Variants in DDX1 observed in about 807,000 individuals in gnomAD.
DDX1 encodes the protein DEAD-box helicase 1.
A neutral mutation model predicts 108.7 loss-of-function variants in DDX1; 28 were observed. The ratio of observed to expected loss-of-function variants is 0.26; its 90% CI spans 0.19 to 0.35. DDX1 has a LOEUF of 0.35. Ranked by LOEUF, DDX1 falls within the 10% of genes least tolerant of loss-of-function variation. The pLI, the probability that DDX1 is intolerant of heterozygous loss-of-function variation, is 1.00. For synonymous variants in DDX1, 295 were observed against 288.9 expected (o/e 1.02, Z -0.21); for missense variants, 710 against 884.5 (o/e 0.80, Z 2.50).
At chr2:15,602,694 T>G in intron 7 of DDX1, 63 bp downstream of exon 7, 46 of 1,254,874 alleles carry the variant, frequency 3.7e-5, no homozygotes, top group Non-Finnish European at 4.3e-5. Context: ...CGTGAGGGTT[T>G]TTTTGTTGTT....
Position 15,595,171 on chromosome 2 carries a change from C to T in DDX1, c.43C>T (p.Gln15Ter). 1 of 1,611,792 alleles carries T rather than the reference C, an allele frequency of 6.2e-7. No individual in the cohort carries two copies. The highest frequency in any genetic ancestry group is 8.5e-7 in the Non-Finnish European group (1 of 1,178,856). Residue 15 changes from glutamine (Q) to a stop codon, truncating the protein, a stop_gained, in exon 2 of 26, where the codon CAA (glutamine) becomes TAA (stop). Transcript: ENST00000233084. LOFTEE classifies it high-confidence loss of function. ...SEMGVMPEIAQAVEEMDWLLP... is the reference protein window; with the variant it reads ...SEMGVMPEIA ...GATGGGTGTAATGCCTGAGATTGCA[C>T]AAGCTGTGGAAGAGATGGATTGGCT...
At chr2:15,610,814 T>A (rs1025695205) in intron 13 of DDX1, among the ~76,000 whole-genome samples, 38 of 140,394 alleles carry the variant, frequency 2.7e-4, no homozygotes, top group Non-Finnish European at 2.3e-4. Flanking sequence ...CAGCAATAGA[T>A]ACAGCTACGG....
intron 19 of DDX1, among the ~76,000 whole-genome samples, chr2:15,624,616 A>G (rs764392513): frequency 6.6e-6 from 1 of 152,150 alleles, no homozygotes; most frequent in African/African-American, 2.4e-5. Flanking sequence ...ACATGATTCT[A>G]TTATCTCCTA....
Position 15,595,132 on chromosome 2 carries a change from T to C in DDX1, c.17-13T>C. The C allele has an allele frequency of 1.3e-6, 2 of 1,598,862 alleles. No individual in the cohort carries two copies. Among genetic ancestry groups the C allele is most frequent in the Admixed American group, 1.8e-5 (1 of 57,110 alleles). ...CAGTTTATGTGGTTTTTAAAATTAA[T>C]TTTTACTTTCAGAGATGGGTGTAAT... On this transcript the variant is annotated splice_polypyrimidine_tract_variant and intron_variant, in intron 1 of 25. Coordinates refer to ENST00000233084, the MANE Select transcript of DDX1 (RefSeq NM_004939.3).
intron 14 of DDX1, among the ~76,000 whole-genome samples, chr2:15,614,558 G>A (rs1195826867): frequency 6.6e-6 from 1 of 152,144 alleles, no homozygotes; most frequent in Non-Finnish European, 1.5e-5. Context: ...GATCGCGAGG[G>A]CTTTGTCCTC....
intron 9 of DDX1, 116 bp from the exon 10 acceptor site, chr2:15,604,321 T>C: frequency 5.8e-6 from 4 of 694,486 alleles, no homozygotes; most frequent in Non-Finnish European, 7.4e-6. Context: ...TATGCTCTAA[T>C]AGGCATTTTT....
intron 3 of DDX1, among the ~76,000 whole-genome samples, chr2:15,595,764 G>C (rs540916906): frequency 1.3e-5 from 2 of 152,164 alleles, no homozygotes; most frequent in African/African-American, 4.8e-5. Context: ...AATGAATCTC[G>C]TATCAGAGAG....
chr2:15,628,722 A>T lies in DDX1; in HGVS notation c.1832+12A>T. 1 of 1,611,854 alleles carries T rather than the reference A, an allele frequency of 6.2e-7. No homozygotes were observed. Among genetic ancestry groups the T allele is most frequent in the Non-Finnish European group, 8.5e-7 (1 of 1,178,436 alleles). ...GGAAGAGCTGAAAGGTACTTCTGCA[A>T]TTTTTTTTCCCCCATTTTTAAGCTT... On this transcript the variant is annotated intron_variant, in intron 22 of 25. Transcript: ENST00000233084.
chr2:15,613,056 A>G lies in DDX1; in HGVS notation c.957-168A>G, dbSNP rs1027588229. 9.2e-5 allele frequency among the ~76,000 whole-genome samples: 14 copies of G among 152,186 alleles called. 1 individual carries two copies. Among genetic ancestry groups the G allele is most frequent in the African/African-American group, 3.1e-4 (13 of 41,542 alleles). ...AGAGGGGGAGGGGGAGGGAGAGGGC[A>G]GCGTGTAACCTTTGTAACTTCCCCC... On this transcript the variant is annotated intron_variant, in intron 13 of 25. Transcript: ENST00000233084.
intron 20 of DDX1, among the ~76,000 whole-genome samples, chr2:15,627,811 C>G (rs1370277425): frequency 6.6e-6 from 1 of 152,154 alleles, no homozygotes; most frequent in Non-Finnish European, 1.5e-5. Flanking sequence ...ATAATTGATG[C>G]AGATGTGAAA....
At chr2:15,605,418 C>A (rs575280543) in intron 10 of DDX1, among the ~76,000 whole-genome samples, 52 of 152,230 alleles carry the variant, frequency 3.4e-4, no homozygotes, top group Admixed American at 6.5e-4. Flanking sequence ...AATCACTGTT[C>A]AGTGCTGCGG....
At chr2:15,599,432 G>A (rs1401569159) in intron 5 of DDX1, among the ~76,000 whole-genome samples, 3 of 151,452 alleles carry the variant, frequency 2.0e-5, no homozygotes, top group African/African-American at 2.4e-5. Flanking sequence ...TCAGCCTCCC[G>A]AGTAGCTGGG....
intron 2 of DDX1, 110 bp downstream of exon 2, chr2:15,595,306 G>T (rs1665480426): frequency 5.8e-6 from 6 of 1,037,940 alleles, no homozygotes; most frequent in East Asian, 2.5e-5. Flanking sequence ...TGAAAATCAG[G>T]TTTTTTTTGT....
intron 14 of DDX1, among the ~76,000 whole-genome samples, chr2:15,616,843 C>T (rs758162322): frequency 5.3e-5 from 8 of 152,014 alleles, no homozygotes; most frequent in African/African-American, 7.2e-5. Flanking sequence ...GAAGGTATTC[C>T]CCCAATTCAA....
intron 3 of DDX1, 73 bp from the exon 4 acceptor site, chr2:15,596,661 A>G (rs1402743158): frequency 7.8e-7 from 1 of 1,287,270 alleles, no homozygotes; most frequent in Non-Finnish European, 1.1e-6. Flanking sequence ...AGATTTCTAC[A>G]TACTATGGTG....
chr2:15,618,563 C>T (rs1229084024), intron 16 of DDX1, among the ~76,000 whole-genome samples: 5 of 152,348 alleles, frequency 3.3e-5, no homozygotes, highest in East Asian at 1.9e-4. Context: ...TGCGGCAGGG[C>T]GGGTAGCTCC....
chr2:15,598,596 G>GA (rs1013041365), intron 5 of DDX1, among the ~76,000 whole-genome samples: 1 of 152,172 alleles, frequency 6.6e-6, no homozygotes, highest in African/African-American at 2.4e-5. Flanking sequence ...TAGTTTAGAT[G>GA]AAGATTTCTG....
Position 15,628,320 on chromosome 2 carries a change from C to T in DDX1, c.1687-125C>T, listed in dbSNP as rs577014967. 1.6e-4 allele frequency: 106 copies of T among 665,458 alleles called. No individual in the cohort carries two copies. The African/African-American group carries it at 1.7e-3, about 11-fold the overall frequency. 41.2% of individuals were successfully genotyped at this position (665,458 alleles called of 1,614,324 possible). ...TTGGTCCAGTAAATTAGGAGTATGT[C>T]GACCTCTAATCTGATAGTAACACTT... On this transcript the variant is annotated intron_variant, in intron 20 of 25. Coordinates refer to ENST00000233084, the MANE Select transcript of DDX1 (RefSeq NM_004939.3).
At chr2:15,619,567 G>A (rs762940908) in intron 16 of DDX1, among the ~76,000 whole-genome samples, 1 of 152,218 alleles carries the variant, frequency 6.6e-6, no homozygotes. Flanking sequence ...ATGCTTATGA[G>A]CAGGGTCAAA....
Sources: allele counts gnomAD v4.1 joint callset (sites outside exome capture counted in the v4.1 genomes callset), GRCh38; gene constraint gnomAD v4.1.1; transcripts MANE v1.5; gene names NCBI Gene and HGNC (gene_info 2026-07-23, HGNC 2026-07-21).